Variants in POLA1 observed in about 807,000 individuals in gnomAD.
The protein encoded by POLA1 is DNA polymerase alpha 1, catalytic subunit, also known as DNA polymerase alpha catalytic subunit.
A neutral mutation model predicts 124.0 loss-of-function variants in POLA1; 15 were observed. The observed-to-expected ratio is 0.12, with a 90% confidence interval of 0.08 to 0.19. POLA1 has a LOEUF of 0.19. Ranked by LOEUF, POLA1 falls within the 10% of genes least tolerant of loss-of-function variation. The pLI, the probability that POLA1 is intolerant of heterozygous loss-of-function variation, is 1.00. For missense variants in POLA1, 886 were observed against 1,103.4 expected, an observed-to-expected ratio of 0.80 and a Z score of 2.79; for synonymous variants, 408 against 389.4, an observed-to-expected ratio of 1.05 and a Z score of -0.56.
At chrX:24,776,771 G>T (rs767678325) in intron 26 of POLA1, among the ~76,000 whole-genome samples, 2 of 112,215 alleles carry the variant, frequency 1.8e-5, no homozygotes, top group Admixed American at 1.9e-4. Context: ...ATGAGAAAGA[G>T]AAACTAGGTG....
At chrX:24,696,015 A>G (rs1927967194) in intron 1 of POLA1, among the ~76,000 whole-genome samples, 1 of 112,653 alleles carries the variant, frequency 8.9e-6, no homozygotes, top group Non-Finnish European at 1.9e-5. Flanking sequence ...ACTCTTAGGT[A>G]TGGTGTGTGT....
At chrX:24,784,376 A>T (rs967908499) in intron 26 of POLA1, among the ~76,000 whole-genome samples, 6 of 111,400 alleles carry the variant, frequency 5.4e-5, no homozygotes, top group African/African-American at 1.6e-4. Context: ...AAATAGATCT[A>T]CTGAGCCTGC....
At chrX:24,761,391 G>GT (rs11573384) in intron 26 of POLA1, among the ~76,000 whole-genome samples, 23,889 of 110,684 alleles carry the variant, frequency 0.22, 1,988 homozygotes, top group South Asian at 0.36. Context: ...TGTTTCATGG[G>GT]TTTTTCATCG....
intron 26 of POLA1, among the ~76,000 whole-genome samples, chrX:24,793,833 C>T (rs765386028): frequency 5.3e-4 from 59 of 110,834 alleles, no homozygotes; most frequent in South Asian, 1.2e-3. Context: ...GATCCGCCCG[C>T]GCCAGTCTCC....
chrX:24,732,599 G>GTTTT (rs5901763), intron 16 of POLA1, 145 bp downstream of exon 16: 50 of 206,715 alleles, frequency 2.4e-4, no homozygotes, highest in South Asian at 5.1e-4. Flanking sequence ...GTTTTTTTTT[G>GTTTT]TTTTTTTTTT....
At chrX:24,883,923 A>G (rs921187752) in intron 34 of POLA1, among the ~76,000 whole-genome samples, 10 of 111,478 alleles carry the variant, frequency 9.0e-5, no homozygotes, top group African/African-American at 3.3e-4. Context: ...TTACTTGTCA[A>G]TGTAGCCTTG....
intron 11 of POLA1, 149 bp from the exon 12 acceptor site, chrX:24,724,186 G>A: frequency 2.6e-6 from 1 of 379,663 alleles, no homozygotes; most frequent in South Asian, 5.8e-5. Flanking sequence ...GGGTCTGTTT[G>A]TATCTTTGAA....
In POLA1 at chrX:24,820,422, A is replaced by C. The variant is rs904757511; in HGVS notation, c.3430-1030A>C. On this transcript the variant is annotated intron_variant, in intron 30 of 36. Transcript: ENST00000379068. ...CCCCATCCTTTCTCTTGTCTTTTGAAACCTACCCCTTCCAGGGCTGGGTAT... is the reference window on the plus strand; with the variant it reads ...CCCCATCCTTTCTCTTGTCTTTTGACACCTACCCCTTCCAGGGCTGGGTAT... Among the ~76,000 whole-genome samples, 5 of 111,598 alleles carry C rather than the reference A, an allele frequency of 4.5e-5. No individual in the cohort carries two copies. The East Asian group carries it at 1.4e-3, about 31-fold the overall frequency.
intron 4 of POLA1, among the ~76,000 whole-genome samples, chrX:24,710,181 G>T (rs367581945): frequency 8.9e-4 from 96 of 108,106 alleles, no homozygotes; most frequent in African/African-American, 3.1e-3. Context: ...GTGACATTTA[G>T]TATATTCACA....
intron 26 of POLA1, among the ~76,000 whole-genome samples, chrX:24,806,882 G>T (rs1376474398): frequency 3.6e-5 from 4 of 111,582 alleles, no homozygotes; most frequent in Middle Eastern, 4.2e-3. Context: ...ATACAGTGGG[G>T]TACTATGTAG....
At chrX:24,993,935 CT>C (rs1414610864) in intron 36 of POLA1, among the ~76,000 whole-genome samples, 1 of 112,143 alleles carries the variant, frequency 8.9e-6, no homozygotes, top group Non-Finnish European at 1.9e-5. Context: ...AAATAGTCCC[CT>C]TTCTAACCAA....
chrX:24,829,670 A>G (rs1336082859), intron 32 of POLA1, among the ~76,000 whole-genome samples: 1 of 111,943 alleles, frequency 8.9e-6, no homozygotes, highest in African/African-American at 3.2e-5. Flanking sequence ...CCCCAAATAA[A>G]AAATTAGGGT....
intron 26 of POLA1, among the ~76,000 whole-genome samples, chrX:24,781,870 T>C (rs979824947): frequency 4.5e-5 from 5 of 112,083 alleles, no homozygotes; most frequent in African/African-American, 1.6e-4. Flanking sequence ...TTTCTGATCA[T>C]TTTATACTGA....
chrX:24,835,117 G>A (rs761498956), intron 32 of POLA1, among the ~76,000 whole-genome samples: 7 of 108,286 alleles, frequency 6.5e-5, no homozygotes, highest in Non-Finnish European at 1.2e-4. Flanking sequence ...GTGCGATCTC[G>A]GATCACGACA....
chrX:24,748,237 T>G (rs1932131889), intron 24 of POLA1, 74 bp from the exon 25 acceptor site: 10 of 715,136 alleles, frequency 1.4e-5, no homozygotes, highest in Admixed American at 3.4e-5. Context: ...GGGGGAAAGC[T>G]CCTATAAAAT....
chrX:24,736,743 C>A (rs1221458843), intron 18 of POLA1, among the ~76,000 whole-genome samples: 1 of 111,653 alleles, frequency 9.0e-6, no homozygotes, highest in Non-Finnish European at 1.9e-5. Context: ...GTTATACAAC[C>A]ATCACCACGA....
rs185220245 is a variant in POLA1 at position 24,851,940 on chromosome X, A to G, written c.4047+8263A>G. Among the ~76,000 whole-genome samples the G allele has an allele frequency of 8.6e-4, 97 of 112,765 alleles. 1 individual carries two copies. The highest frequency in any genetic ancestry group is 3.1e-3 in the African/African-American group (95 of 31,097). ...TGACTTCAAGGAACAAAACGGGACT[A>G]TCAGTTCTCTGCTGCATGCGTCAAC... On this transcript the variant is annotated intron_variant, in intron 34 of 36. Coordinates refer to ENST00000379068, the MANE Select transcript of POLA1 (RefSeq NM_001330360.2).
At chrX:24,816,944 AAGT>A (rs988279743) in intron 30 of POLA1, among the ~76,000 whole-genome samples, 16 of 112,008 alleles carry the variant, frequency 1.4e-4, no homozygotes, top group African/African-American at 5.2e-4. Context: ...ACTTATGTAA[AAGT>A]AGAGAGCATG....
chrX:24,739,047 C>T (rs749725057), intron 19 of POLA1, among the ~76,000 whole-genome samples: 1 of 111,095 alleles, frequency 9.0e-6, no homozygotes, highest in East Asian at 2.8e-4. Context: ...ATGGCAGTCC[C>T]CCCGTATTCC....
Sources: gnomAD v4.1 joint callset for allele counts (sites outside exome capture counted in the v4.1 genomes callset) on GRCh38, gnomAD v4.1.1 for gene constraint, MANE v1.5 for transcripts, NCBI Gene and HGNC (gene_info 2026-07-23, HGNC 2026-07-21) for gene names.